The following PAK1 variants were observed in gnomAD, a reference collection of about 807,000 sequenced individuals.
PAK1 encodes the protein serine/threonine-protein kinase PAK 1.
PAK1 carries 29 observed loss-of-function variants against 67.4 expected under a neutral mutation model. That is an observed-to-expected ratio of 0.43 (90% CI 0.32 to 0.59). The LOEUF is 0.59. PAK1 is among the 20% of genes least tolerant of loss of function. The pLI, the probability that PAK1 is intolerant of heterozygous loss-of-function variation, is 0.07. For missense variants in PAK1, 337 were observed against 670.7 expected (o/e 0.50, Z 5.50); for synonymous variants, 223 against 237.4 (o/e 0.94, Z 0.56).
chr11:77,455,547 T>C (rs182385002), intron 1 of PAK1, among the ~76,000 whole-genome samples: 169 of 144,724 alleles, frequency 1.2e-3, no homozygotes, highest in African/African-American at 4.4e-3. Flanking sequence ...TTATTCAATG[T>C]AGTTTGGGGA....
At chr11:77,444,187 G>C (rs976647687) in intron 1 of PAK1, among the ~76,000 whole-genome samples, 1 of 151,742 alleles carries the variant, frequency 6.6e-6, no homozygotes, top group Non-Finnish European at 1.5e-5. Flanking sequence ...GAAAGTTTTA[G>C]GGAATGGCCA....
At chr11:77,330,565 G>A (rs1591670211) in intron 14 of PAK1, among the ~76,000 whole-genome samples, 1 of 152,146 alleles carries the variant, frequency 6.6e-6, no homozygotes, top group Non-Finnish European at 1.5e-5. Flanking sequence ...ATGGTGCTGG[G>A]AAAACTGGCT....
chr11:77,451,992 T>A, intron 1 of PAK1, among the ~76,000 whole-genome samples: 1 of 152,310 alleles, frequency 6.6e-6, no homozygotes, highest in South Asian at 2.1e-4. Context: ...TATATTAATG[T>A]CCTCAAAACA....
intron 1 of PAK1, among the ~76,000 whole-genome samples, chr11:77,428,835 C>T (rs1955700338): frequency 6.6e-6 from 1 of 151,274 alleles, no homozygotes. Flanking sequence ...AGAAGCCAAC[C>T]ACAGTTAAGA....
the PAK1 span, among the ~76,000 whole-genome samples, chr11:77,505,426 G>C: frequency 6.6e-6 from 1 of 152,166 alleles, no homozygotes; most frequent in South Asian, 2.1e-4. Flanking sequence ...GGCCTCAAGT[G>C]ATCCACCCAA....
intron 1 of PAK1, among the ~76,000 whole-genome samples, chr11:77,433,790 A>G (rs951519872): frequency 2.0e-5 from 3 of 152,172 alleles, no homozygotes; most frequent in Non-Finnish European, 4.4e-5. Flanking sequence ...AAAAATAAAT[A>G]AACAGTAAAA....
chr11:77,469,779 G>T (rs1957766411), intron 1 of PAK1, among the ~76,000 whole-genome samples: 1 of 151,218 alleles, frequency 6.6e-6, no homozygotes, highest in African/African-American at 2.4e-5. Flanking sequence ...TTATTTTCAA[G>T]TTTGAATATA....
At chr11:77,460,325 T>C (rs1331568695) in intron 1 of PAK1, among the ~76,000 whole-genome samples, 3 of 29,800 alleles carry the variant, frequency 1.0e-4, no homozygotes, top group Non-Finnish European at 2.6e-4. Flanking sequence ...TTTGTTTGCT[T>C]TTTTTTTTTT....
At chr11:77,517,573 T>C in the PAK1 span, among the ~76,000 whole-genome samples, 1 of 152,330 alleles carries the variant, frequency 6.6e-6, no homozygotes, top group East Asian at 1.9e-4. Flanking sequence ...ACCGGTTTCA[T>C]GGAAGACGAT....
At chr11:77,330,090 C>G (rs532484045) in intron 14 of PAK1, among the ~76,000 whole-genome samples, 1 of 152,072 alleles carries the variant, frequency 6.6e-6, no homozygotes, top group Non-Finnish European at 1.5e-5. Context: ...ATGTGAAGGA[C>G]CTCTTCAAGG....
At chr11:77,468,399 T>A (rs1247027335) in intron 1 of PAK1, among the ~76,000 whole-genome samples, 1 of 152,182 alleles carries the variant, frequency 6.6e-6, no homozygotes, top group Non-Finnish European at 1.5e-5. Context: ...AGCATATACA[T>A]GACTTTCCCC....
chr11:77,410,105 C>G (rs1358668119), intron 1 of PAK1, among the ~76,000 whole-genome samples: 1 of 152,144 alleles, frequency 6.6e-6, no homozygotes, highest in Non-Finnish European at 1.5e-5. Flanking sequence ...CAACCCATCC[C>G]TGCTATCCTC....
chr11:77,344,031 TA>T (rs1944034734), intron 9 of PAK1, 100 bp from the exon 10 acceptor site: 1 of 778,058 alleles, frequency 1.3e-6, no homozygotes, highest in Non-Finnish European at 2.3e-6. Context: ...CAAAGATGAG[TA>T]AGATACAGTC....
Position 77,457,641 on chromosome 11 carries a change from GT to G in PAK1, c.-22+15910del, listed in dbSNP as rs781503455. Among the ~76,000 whole-genome samples the G allele has an allele frequency of 9.9e-5, 15 of 152,278 alleles. No homozygotes were observed. The East Asian group carries it at 2.7e-3, about 27-fold the overall frequency. ...CTGTCTAGGTCAGGCATGGCATTTG[GT>G]CCCTCTTCATTTCTAAGTTCTCATG... On this transcript the variant is annotated intron_variant, in intron 1 of 14. Coordinates refer to ENST00000356341, the MANE Select transcript of PAK1 (RefSeq NM_002576.5).
intron 1 of PAK1, among the ~76,000 whole-genome samples, chr11:77,417,995 C>T (rs1037993133): frequency 2.0e-5 from 3 of 152,128 alleles, no homozygotes; most frequent in African/African-American, 7.2e-5. Flanking sequence ...CTCGGCCTCC[C>T]AAAGTGCTGG....
chr11:77,492,500 G>A, the PAK1 span, among the ~76,000 whole-genome samples: 1 of 150,692 alleles, frequency 6.6e-6, no homozygotes, highest in Non-Finnish European at 1.5e-5. Flanking sequence ...TCTGCCCAGG[G>A]TATTAGGAGA....
At chr11:77,333,865 A>G (rs1376612792) in intron 13 of PAK1, among the ~76,000 whole-genome samples, 2 of 152,138 alleles carry the variant, frequency 1.3e-5, no homozygotes, top group African/African-American at 4.8e-5. Context: ...GAAACATAAA[A>G]AGATATGTCT....
At chr11:77,440,384 T>A (rs1451823348) in intron 1 of PAK1, among the ~76,000 whole-genome samples, 1 of 151,830 alleles carries the variant, frequency 6.6e-6, no homozygotes. Context: ...AAATAAAAAA[T>A]AAAGAACAAA....
chr11:77,495,327 A>G, the PAK1 span, among the ~76,000 whole-genome samples: 1 of 150,980 alleles, frequency 6.6e-6, no homozygotes, highest in East Asian at 2.0e-4. Context: ...TACAAAAATT[A>G]GCCAGGCGCG....
Sources: allele counts gnomAD v4.1 joint callset (sites outside exome capture counted in the v4.1 genomes callset), GRCh38; gene constraint gnomAD v4.1.1; transcripts MANE v1.5; gene names NCBI Gene and HGNC (gene_info 2026-07-23, HGNC 2026-07-21).